IQCM: variants seen among roughly 807,000 people sequenced by gnomAD.
The protein encoded by IQCM is IQ motif containing M, also known as IQ domain-containing protein M.
Under a neutral mutation model 57.6 loss-of-function variants are expected in IQCM, and 45 were observed. That is an observed-to-expected ratio of 0.78 (90% CI 0.62 to 1.00). The LOEUF is 1.00. Ranked by LOEUF, IQCM falls within the 50% of genes least tolerant of loss-of-function variation. IQCM has a pLI of 0.00. For synonymous variants in IQCM, 148 were observed against 158.9 expected (o/e 0.93, Z 0.51); for missense variants, 468 against 511.6 (o/e 0.91, Z 0.82).
At chr4:149,540,773 A>G (rs1747777301) in intron 12 of IQCM, among the ~76,000 whole-genome samples, 1 of 152,126 alleles carries the variant, frequency 6.6e-6, no homozygotes, top group Admixed American at 6.6e-5. Flanking sequence ...AGAACTGACT[A>G]CCTATTCTGA....
intron 7 of IQCM, among the ~76,000 whole-genome samples, chr4:149,669,516 A>G (rs1024789688): frequency 6.6e-6 from 1 of 152,072 alleles, no homozygotes; most frequent in African/African-American, 2.4e-5. Flanking sequence ...TTTTGTTGCC[A>G]TTGCTTTTGG....
Position 149,621,163 on chromosome 4 carries a change from G to GAGAAACTA in IQCM, c.639_646dup (p.Ser216LeufsTer39). On this transcript the variant is annotated frameshift_variant, in exon 8 of 14. Transcript: ENST00000636793. LOFTEE classifies it high-confidence loss of function. Reference sequence around the variant, plus strand: ...ATCCCGAAATATTGATGATGATTGAGAGAAACTAACTCGACGGGAGTCACA... The same window carrying GAGAAACTA: ...ATCCCGAAATATTGATGATGATTGAGAGAAACTAAGAAACTAACTCGACGGGAGTCACA... The GAGAAACTA allele has an allele frequency of 8.1e-7, 1 of 1,231,244 alleles. No individual in the cohort carries two copies. Among genetic ancestry groups the GAGAAACTA allele is most frequent in the Non-Finnish European group, 1.0e-6 (1 of 987,184 alleles). 76.3% of individuals were successfully genotyped at this position (1,231,244 alleles called of 1,614,324 possible).
chr4:149,632,842 A>G (rs1757385380), intron 7 of IQCM, among the ~76,000 whole-genome samples: 1 of 152,212 alleles, frequency 6.6e-6, no homozygotes, highest in African/African-American at 2.4e-5. Flanking sequence ...AGTCCAAGTG[A>G]TAAAGCTAAA....
At chr4:149,605,755 T>C (rs951147162) in intron 8 of IQCM, among the ~76,000 whole-genome samples, 1 of 152,038 alleles carries the variant, frequency 6.6e-6, no homozygotes, top group African/African-American at 2.4e-5. Flanking sequence ...ACACCAGCTG[T>C]AGTAGCCAAG....
At chr4:149,428,249 T>G (rs1734592460) in intron 13 of IQCM, among the ~76,000 whole-genome samples, 1 of 151,688 alleles carries the variant, frequency 6.6e-6, no homozygotes, top group South Asian at 2.1e-4. Flanking sequence ...TTAAAAAATA[T>G]GGGTAGAAAT....
intron 2 of IQCM, among the ~76,000 whole-genome samples, chr4:149,807,222 C>T (rs1252275370): frequency 4.0e-5 from 6 of 151,806 alleles, no homozygotes; most frequent in Non-Finnish European, 7.4e-5. Context: ...GCAAAAAAAG[C>T]AAGGCTAGAA....
chr4:149,424,980 G>A (rs1197830151), intron 13 of IQCM, among the ~76,000 whole-genome samples: 1 of 151,912 alleles, frequency 6.6e-6, no homozygotes, highest in East Asian at 1.9e-4. Flanking sequence ...ATGTGGAAAT[G>A]TTTGCTCTAG....
intron 2 of IQCM, among the ~76,000 whole-genome samples, chr4:149,753,718 CT>C (rs1424854555): frequency 6.9e-6 from 1 of 143,984 alleles, no homozygotes. Flanking sequence ...TACCCTAGAA[CT>C]TAAAGTATAA....
intron 7 of IQCM, among the ~76,000 whole-genome samples, chr4:149,672,306 G>A (rs768760995): frequency 1.3e-5 from 2 of 152,148 alleles, no homozygotes; most frequent in Non-Finnish European, 2.9e-5. Flanking sequence ...GGCTTCAGAC[G>A]ATCGGTAATA....
chr4:149,802,152 G>A (rs1025631220), intron 2 of IQCM, among the ~76,000 whole-genome samples: 1 of 151,280 alleles, frequency 6.6e-6, no homozygotes, highest in Non-Finnish European at 1.5e-5. Context: ...TAAAAGTCAT[G>A]TTTCCCAAAG....
chr4:149,368,771 C>CGT (rs1560778668), intron 13 of IQCM, among the ~76,000 whole-genome samples: 4 of 73,290 alleles, frequency 5.5e-5, no homozygotes, highest in Non-Finnish European at 1.3e-4. Flanking sequence ...TATATATATA[C>CGT]ATATATATAC....
intron 12 of IQCM, among the ~76,000 whole-genome samples, chr4:149,516,353 C>T (rs1744964257): frequency 6.6e-6 from 1 of 152,174 alleles, no homozygotes; most frequent in Admixed American, 6.5e-5. Context: ...GAGTGCCTTA[C>T]AACCATCATG....
intron 5 of IQCM, among the ~76,000 whole-genome samples, chr4:149,712,292 A>G (rs777926455): frequency 6.6e-5 from 10 of 152,096 alleles, no homozygotes; most frequent in Admixed American, 1.3e-4. Context: ...TGCACCGGAC[A>G]GTGATTAGGA....
chr4:149,587,549 G>A (rs1752754346), intron 9 of IQCM, among the ~76,000 whole-genome samples: 1 of 151,640 alleles, frequency 6.6e-6, no homozygotes, highest in Non-Finnish European at 1.5e-5. Context: ...CTTAACCCTA[G>A]TGAATTGTGG....
At chr4:149,421,946 T>A (rs912047971) in intron 13 of IQCM, among the ~76,000 whole-genome samples, 2 of 152,064 alleles carry the variant, frequency 1.3e-5, no homozygotes, top group African/African-American at 4.8e-5. Flanking sequence ...GAGATTTACA[T>A]AATGACATAC....
chr4:149,586,601 TG>T (rs1752667777), intron 9 of IQCM, among the ~76,000 whole-genome samples: 1 of 151,638 alleles, frequency 6.6e-6, no homozygotes, highest in African/African-American at 2.4e-5. Context: ...TCTATTTCAT[TG>T]CTTTCTGTTC....
chr4:149,732,066 C>A (rs887025281), intron 5 of IQCM, among the ~76,000 whole-genome samples: 1 of 152,146 alleles, frequency 6.6e-6, no homozygotes, highest in African/African-American at 2.4e-5. Context: ...ACTCTCTCTA[C>A]AGTTTCTGCT....
intron 13 of IQCM, among the ~76,000 whole-genome samples, chr4:149,400,146 T>A (rs777404009): frequency 3.3e-5 from 5 of 151,472 alleles, no homozygotes; most frequent in African/African-American, 4.8e-5. Context: ...AACACTATTA[T>A]GGTCAATGAG....
chr4:149,462,444 T>C (rs1031192824), intron 12 of IQCM, among the ~76,000 whole-genome samples: 12 of 152,176 alleles, frequency 7.9e-5, no homozygotes, highest in Admixed American at 1.3e-4. Context: ...TCTAAAAACA[T>C]AGGAGGTAGA....
Sources: allele counts gnomAD v4.1 joint callset (sites outside exome capture counted in the v4.1 genomes callset), GRCh38; gene constraint gnomAD v4.1.1; transcripts MANE v1.5; gene names NCBI Gene and HGNC (gene_info 2026-07-23, HGNC 2026-07-21).